Variants in ARB2A observed in about 807,000 individuals in gnomAD.
ARB2A encodes the protein cotranscriptional regulator ARB2A.
chr5:93,812,504 T>G, the ARB2A span, among the ~76,000 whole-genome samples: 6 of 152,172 alleles, frequency 3.9e-5, no homozygotes, highest in Admixed American at 3.9e-4. Context: ...GACTGGGGAT[T>G]TCTACGGTAG....
the ARB2A span, among the ~76,000 whole-genome samples, chr5:93,876,707 A>G: frequency 6.6e-6 from 1 of 152,098 alleles, no homozygotes; most frequent in East Asian, 1.9e-4. Context: ...AAATAGTTTC[A>G]GAAATTAAAC....
At chr5:93,688,539 A>C in the ARB2A span, among the ~76,000 whole-genome samples, 1 of 152,178 alleles carries the variant, frequency 6.6e-6, no homozygotes, top group African/African-American at 2.4e-5. Context: ...AGTTGTTTCA[A>C]AAGTTTTCCT....
At chr5:93,719,607 C>G in the ARB2A span, among the ~76,000 whole-genome samples, 2 of 152,132 alleles carry the variant, frequency 1.3e-5, no homozygotes, top group African/African-American at 4.8e-5. Flanking sequence ...ACTTTTTCAC[C>G]ACATCTCAAG....
At chr5:94,006,174 A>G in the ARB2A span, among the ~76,000 whole-genome samples, 9 of 152,190 alleles carry the variant, frequency 5.9e-5, no homozygotes, top group African/African-American at 2.2e-4. Context: ...ACTTTGATAC[A>G]TCCCTATCAT....
chr5:93,805,902 C>T, the ARB2A span: 3 of 985,026 alleles, frequency 3.0e-6, no homozygotes, highest in Non-Finnish European at 3.6e-6. Flanking sequence ...TCTGAATTAG[C>T]TTGTTTGATC....
the ARB2A span, among the ~76,000 whole-genome samples, chr5:94,042,279 T>C: frequency 6.6e-6 from 1 of 151,846 alleles, no homozygotes; most frequent in African/African-American, 2.4e-5. Context: ...CAGGTTTTTC[T>C]TAGAGCACTG....
the ARB2A span, among the ~76,000 whole-genome samples, chr5:94,022,557 T>A: frequency 2.0e-5 from 3 of 152,154 alleles, no homozygotes; most frequent in African/African-American, 7.2e-5. Flanking sequence ...TACCTGGTAA[T>A]AGACACCAAT....
At chr5:93,784,289 A>T in the ARB2A span, 1 of 737,116 alleles carries the variant, frequency 1.4e-6, no homozygotes, top group African/African-American at 1.8e-5. Context: ...CTAGAAAGGG[A>T]GTTTGAGGAT....
the ARB2A span, among the ~76,000 whole-genome samples, chr5:93,802,506 A>G: frequency 6.6e-6 from 1 of 152,146 alleles, no homozygotes; most frequent in Non-Finnish European, 1.5e-5. Context: ...ACAAGGCAAG[A>G]AAAATTCAAG....
At chr5:93,647,555 G>T in the ARB2A span, among the ~76,000 whole-genome samples, 2 of 151,300 alleles carry the variant, frequency 1.3e-5, no homozygotes, top group South Asian at 4.2e-4. Context: ...GTTTGTTTTT[G>T]AGATGAAGTC....
chr5:93,920,669 C>T, the ARB2A span, among the ~76,000 whole-genome samples: 1 of 152,058 alleles, frequency 6.6e-6, no homozygotes, highest in Non-Finnish European at 1.5e-5. Flanking sequence ...AACTTATGCA[C>T]ACAAGCACTT....
At chr5:94,020,619 G>C in the ARB2A span, among the ~76,000 whole-genome samples, 5 of 152,076 alleles carry the variant, frequency 3.3e-5, no homozygotes, top group Admixed American at 3.3e-4. Context: ...CATAACACTT[G>C]GTTGGATGGT....
the ARB2A span, among the ~76,000 whole-genome samples, chr5:93,963,457 T>C: frequency 6.6e-6 from 1 of 151,942 alleles, no homozygotes; most frequent in Non-Finnish European, 1.5e-5. Flanking sequence ...AAATGAATAA[T>C]GAGTGAATGA....
the ARB2A span, among the ~76,000 whole-genome samples, chr5:94,096,346 T>C: frequency 6.6e-6 from 1 of 152,224 alleles, no homozygotes; most frequent in African/African-American, 2.4e-5. Context: ...CTTGTATGCC[T>C]TCATTAACTT....
At chr5:93,902,734 C>T in the ARB2A span, among the ~76,000 whole-genome samples, 1 of 152,056 alleles carries the variant, frequency 6.6e-6, no homozygotes, top group African/African-American at 2.4e-5. Flanking sequence ...ATAAAATTCT[C>T]TCCAAATGTA....
the ARB2A span, among the ~76,000 whole-genome samples, chr5:94,060,814 C>G: frequency 1.3e-5 from 2 of 152,010 alleles, no homozygotes; most frequent in Non-Finnish European, 2.9e-5. Context: ...ACATCAGAAC[C>G]AAACAGGGCT....
chr5:94,002,037 C>A, the ARB2A span, among the ~76,000 whole-genome samples: 2 of 151,932 alleles, frequency 1.3e-5, no homozygotes, highest in African/African-American at 4.8e-5. Flanking sequence ...CCAGTTTTTT[C>A]TTCCCCTCTT....
the ARB2A span, among the ~76,000 whole-genome samples, chr5:93,870,598 C>G: frequency 6.6e-6 from 1 of 152,182 alleles, no homozygotes; most frequent in Non-Finnish European, 1.5e-5. Flanking sequence ...AAGACATTGT[C>G]TATTTCACTG....
At chr5:94,084,862 G>A in the ARB2A span, among the ~76,000 whole-genome samples, 1 of 152,082 alleles carries the variant, frequency 6.6e-6, no homozygotes, top group East Asian at 1.9e-4. Context: ...CTTCATACAT[G>A]ATCAATTTCA....
Sources: allele counts gnomAD v4.1 joint callset (sites outside exome capture counted in the v4.1 genomes callset), GRCh38; gene constraint gnomAD v4.1.1; transcripts MANE v1.5; gene names NCBI Gene and HGNC (gene_info 2026-07-23, HGNC 2026-07-21).